ESRRG: variants seen among roughly 807,000 people sequenced by gnomAD.
ESRRG encodes estrogen related receptor gamma.
A neutral mutation model predicts 44.0 loss-of-function variants in ESRRG; 13 were observed. That is an observed-to-expected ratio of 0.30 (90% confidence interval 0.19 to 0.47). The LOEUF is 0.47. Ranked by LOEUF, ESRRG falls within the 20% of genes least tolerant of loss-of-function variation. The probability of loss-of-function intolerance (pLI) is 1.00; values close to 1 mark genes in which losing one functional copy is unlikely to be tolerated. For missense variants in ESRRG, 395 were observed against 580.6 expected (o/e 0.68, Z 3.29); for synonymous variants, 215 against 214.6 (o/e 1.00, Z -0.02).
intron 2 of ESRRG, among the ~76,000 whole-genome samples, chr1:216,927,118 G>A (rs763975293): frequency 1.1e-4 from 16 of 152,224 alleles, no homozygotes; most frequent in Admixed American, 2.0e-4. Flanking sequence ...GAGTTCTGCC[G>A]TCTGATAACT....
Position 217,101,591 on chromosome 1 carries a change from A to G in ESRRG, c.-230+36076T>C, listed in dbSNP as rs879928477. On this transcript the variant is annotated intron_variant, in intron 1 of 8. Transcript: ENST00000366940. ...TTGGCTCCTAGTCTTGGTTCAAAGTATCATCATCTGTAGGATCATTTAGTT... is the reference window on the plus strand; with the variant it reads ...TTGGCTCCTAGTCTTGGTTCAAAGTGTCATCATCTGTAGGATCATTTAGTT... 6.0e-4 allele frequency among the ~76,000 whole-genome samples: 91 copies of G among 152,256 alleles called. 1 individual carries two copies. Among genetic ancestry groups the G allele is most frequent in the South Asian group, 1.2e-3 (6 of 4,826 alleles).
intron 3 of ESRRG, among the ~76,000 whole-genome samples, chr1:216,569,071 A>G (rs1004998004): frequency 4.7e-5 from 6 of 127,726 alleles, no homozygotes; most frequent in African/African-American, 1.7e-4. Context: ...AAAGAGAGAA[A>G]GACAGAGAGA....
intron 1 of ESRRG, among the ~76,000 whole-genome samples, chr1:217,015,430 A>T (rs1271784142): frequency 6.6e-6 from 1 of 152,228 alleles, no homozygotes; most frequent in East Asian, 1.9e-4. Context: ...TATATAAAAC[A>T]TAAATTTATT....
At chr1:216,990,038 A>G (rs1175709421) in intron 1 of ESRRG, among the ~76,000 whole-genome samples, 2 of 152,166 alleles carry the variant, frequency 1.3e-5, no homozygotes, top group Non-Finnish European at 2.9e-5. Context: ...AAACACTGAG[A>G]AATTCTCCGT....
chr1:216,909,168 C>T (rs554874128), intron 2 of ESRRG, among the ~76,000 whole-genome samples: 24 of 152,212 alleles, frequency 1.6e-4, no homozygotes, highest in Non-Finnish European at 2.4e-4. Flanking sequence ...TCTAAACTGA[C>T]GGTAATAATA....
chr1:216,784,899 T>C (rs374391885), intron 2 of ESRRG, among the ~76,000 whole-genome samples: 5 of 152,070 alleles, frequency 3.3e-5, no homozygotes, highest in Admixed American at 6.6e-5. Flanking sequence ...CCTCTTTATA[T>C]TGCTATTTCA....
At chr1:217,031,355 T>C (rs1271371979) in intron 1 of ESRRG, among the ~76,000 whole-genome samples, 1 of 152,102 alleles carries the variant, frequency 6.6e-6, no homozygotes, top group Non-Finnish European at 1.5e-5. Flanking sequence ...TTCCCACCAT[T>C]GTCCTAAAGG....
intron 1 of ESRRG, among the ~76,000 whole-genome samples, chr1:217,066,100 G>A (rs953092940): frequency 1.3e-5 from 2 of 152,188 alleles, no homozygotes. Context: ...TCTATAAGTC[G>A]TGGCTATCGC....
intron 3 of ESRRG, among the ~76,000 whole-genome samples, chr1:216,576,435 G>A (rs1049367507): frequency 6.6e-6 from 1 of 151,344 alleles, no homozygotes; most frequent in Non-Finnish European, 1.5e-5. Context: ...TTAACAATTA[G>A]CAAGGGGAAG....
intron 3 of ESRRG, among the ~76,000 whole-genome samples, chr1:216,644,651 GGT>G (rs58712702): frequency 0.017 from 2,652 of 151,826 alleles, 78 homozygotes; most frequent in East Asian, 0.063. Context: ...TGCCCAGGCT[GGT>G]CTCAAACTCC....
intron 3 of ESRRG, among the ~76,000 whole-genome samples, chr1:216,645,815 T>C (rs971806870): frequency 2.9e-5 from 4 of 137,926 alleles, no homozygotes; most frequent in African/African-American, 1.1e-4. Context: ...AAGGCTGCAG[T>C]GAGCCAAGAT....
At chr1:217,006,333 A>G (rs762197836) in intron 1 of ESRRG, among the ~76,000 whole-genome samples, 7 of 152,174 alleles carry the variant, frequency 4.6e-5, no homozygotes, top group Middle Eastern at 3.2e-3. Flanking sequence ...TAATCAACAT[A>G]TACAACTTTA....
intron 1 of ESRRG, 76 bp downstream of exon 1, chr1:216,723,168 G>T: frequency 8.1e-7 from 1 of 1,239,220 alleles, no homozygotes. Flanking sequence ...GAATCAGTGT[G>T]TAAAGATATA....
At chr1:216,652,222 A>G (rs2069178337) in intron 2 of ESRRG, among the ~76,000 whole-genome samples, 1 of 152,214 alleles carries the variant, frequency 6.6e-6, no homozygotes, top group Non-Finnish European at 1.5e-5. Context: ...GGGTCCGTCC[A>G]AGTCCCCTGA....
intron 5 of ESRRG, among the ~76,000 whole-genome samples, chr1:216,556,137 G>A (rs923112402): frequency 4.6e-5 from 7 of 151,898 alleles, no homozygotes; most frequent in East Asian, 3.9e-4. Context: ...ACAAAACCAC[G>A]AGGCTTTCTC....
intron 2 of ESRRG, among the ~76,000 whole-genome samples, chr1:216,742,892 T>C (rs1204991260): frequency 6.6e-6 from 1 of 152,026 alleles, no homozygotes. Context: ...TTTAGGGAGA[T>C]TTTACTTCAA....
intron 1 of ESRRG, among the ~76,000 whole-genome samples, chr1:216,976,006 A>G (rs2072805639): frequency 6.6e-6 from 1 of 152,162 alleles, no homozygotes; most frequent in Admixed American, 6.6e-5. Context: ...CTAAATGTCC[A>G]TGAGCTTCAC....
chr1:216,996,924 A>G (rs1560413034), intron 1 of ESRRG, among the ~76,000 whole-genome samples: 1 of 152,184 alleles, frequency 6.6e-6, no homozygotes, highest in Non-Finnish European at 1.5e-5. Flanking sequence ...TTTACTTTAT[A>G]TTGCACAGGC....
Position 216,735,211 on chromosome 1 carries a change from T to A in ESRRG, c.-13-57720A>T, listed in dbSNP as rs1302762089. Among the ~76,000 whole-genome samples, 5 of 150,332 alleles carry A rather than the reference T, an allele frequency of 3.3e-5. No individual in the cohort carries two copies. In the South Asian group the frequency reaches 8.4e-4, roughly 25 times the overall value. The stretch of plus-strand genomic sequence containing the variant: ...GCATGAGCCACCATGCCCAGCCTCA[T>A]TGTTTTTTTGTTTTTGAGACAGGGT... On this transcript the variant is annotated intron_variant, in intron 2 of 7. Transcript: ENST00000359162.
Sources: gnomAD v4.1 joint callset for allele counts (sites outside exome capture counted in the v4.1 genomes callset) on GRCh38, gnomAD v4.1.1 for gene constraint, MANE v1.5 for transcripts, NCBI Gene and HGNC (gene_info 2026-07-23, HGNC 2026-07-21) for gene names.